The following CDS2 variants were observed in gnomAD, a reference collection of about 807,000 sequenced individuals.
The protein encoded by CDS2 is CDP-diacylglycerol synthase 2, also known as phosphatidate cytidylyltransferase 2.
A neutral mutation model predicts 59.0 loss-of-function variants in CDS2; 47 were observed. That is an observed-to-expected ratio of 0.80 (90% confidence interval 0.63 to 1.02). CDS2 has a LOEUF of 1.02. CDS2 is among the 50% of genes least tolerant of loss of function. The pLI, the probability that CDS2 is intolerant of heterozygous loss-of-function variation, is 0.00. For missense variants in CDS2, 356 were observed against 558.9 expected (o/e 0.64, Z 3.66); for synonymous variants, 207 against 206.4 (o/e 1.00, Z -0.02).
At chr20:5,168,485 G>T in intron 1 of CDS2, 2 of 404,252 alleles carry the variant, frequency 4.9e-6, no homozygotes, top group South Asian at 1.8e-5. Flanking sequence ...GGTTCCACCG[G>T]TGTGGAGCCT....
chr20:5,155,331 T>C (rs1042125504), intron 1 of CDS2, among the ~76,000 whole-genome samples: 1 of 152,240 alleles, frequency 6.6e-6, no homozygotes, highest in East Asian at 1.9e-4. Flanking sequence ...ACGGATTTCA[T>C]TCTTTTTAAA....
intron 1 of CDS2, among the ~76,000 whole-genome samples, chr20:5,140,163 T>C (rs972915881): frequency 6.6e-6 from 1 of 152,226 alleles, no homozygotes; most frequent in African/African-American, 2.4e-5. Flanking sequence ...GCATCATTTT[T>C]ATTGATGTGC....
At chr20:5,131,718 G>A (rs1031224770) in intron 1 of CDS2, among the ~76,000 whole-genome samples, 2 of 152,244 alleles carry the variant, frequency 1.3e-5, no homozygotes, top group African/African-American at 4.8e-5. Flanking sequence ...GCTTGGGTCA[G>A]TTACATCTAC....
chr20:5,178,581 G>A (rs2091010656), intron 4 of CDS2, among the ~76,000 whole-genome samples: 1 of 152,194 alleles, frequency 6.6e-6, no homozygotes, highest in Non-Finnish European at 1.5e-5. Context: ...GGAGTCTCAA[G>A]TTTGGGAGAA....
At chr20:5,138,849 T>G (rs1276493446) in intron 1 of CDS2, among the ~76,000 whole-genome samples, 1 of 151,926 alleles carries the variant, frequency 6.6e-6, no homozygotes, top group Non-Finnish European at 1.5e-5. Flanking sequence ...GCAGTATGGT[T>G]AAAATGACCG....
chr20:5,189,619 C>A, intron 11 of CDS2, 116 bp from the exon 12 acceptor site: 1 of 708,644 alleles, frequency 1.4e-6, no homozygotes, highest in Non-Finnish European at 2.5e-6. Flanking sequence ...ATACTTCTCA[C>A]CTTCTATTGC....
chr20:5,176,430 T>G, intron 3 of CDS2: 1 of 536,926 alleles, frequency 1.9e-6, no homozygotes, highest in East Asian at 3.0e-5. Flanking sequence ...GGTGTGTATT[T>G]TATTGTGAGT....
intron 1 of CDS2, among the ~76,000 whole-genome samples, chr20:5,145,703 T>C (rs1362817947): frequency 6.6e-6 from 1 of 152,134 alleles, no homozygotes; most frequent in East Asian, 1.9e-4. Context: ...TCTAAGGCCA[T>C]AGTGTCCTTC....
chr20:5,169,198 T>G (rs920651709), intron 1 of CDS2, among the ~76,000 whole-genome samples: 5 of 152,226 alleles, frequency 3.3e-5, no homozygotes, highest in African/African-American at 1.2e-4. Flanking sequence ...TGAGAGGGTC[T>G]GCCCCACCTG....
intron 1 of CDS2, among the ~76,000 whole-genome samples, chr20:5,159,963 T>C (rs978889111): frequency 3.3e-5 from 5 of 152,220 alleles, no homozygotes; most frequent in African/African-American, 1.2e-4. Flanking sequence ...AGTGCCCTTA[T>C]GTTTTTAAAA....
rs1352423690 is a variant in CDS2 at position 5,195,094 on chromosome 20, T to C, written c.*4860T>C. 3 of 152,112 alleles carry C rather than the reference T, an allele frequency of 2.0e-5. No homozygotes were observed. The highest frequency in any genetic ancestry group is 4.4e-5 in the Non-Finnish European group (3 of 68,034). The allele number at this position is 152,112 out of a possible 1,614,324, so 9.4% of individuals were successfully genotyped here. ...CTCTAAGCTTCTACCTTGAAGGCAG[T>C]TGGGTCTGATAATAGTACCTTCTTC... On this transcript the variant is annotated 3_prime_UTR_variant, in exon 13 of 13. Coordinates refer to ENST00000460006, the MANE Select transcript of CDS2 (RefSeq NM_003818.4).
chr20:5,170,834 AAG>A (rs1280078368), intron 1 of CDS2, among the ~76,000 whole-genome samples: 5 of 152,044 alleles, frequency 3.3e-5, no homozygotes, highest in African/African-American at 1.2e-4. Flanking sequence ...TAAAGAAGAA[AAG>A]AGAGAAGAAT....
chr20:5,158,233 A>G (rs918854743), intron 1 of CDS2, among the ~76,000 whole-genome samples: 7 of 148,618 alleles, frequency 4.7e-5, no homozygotes, highest in African/African-American at 1.8e-4. Context: ...GCAATGGCAC[A>G]GTCTCGGCTC....
chr20:5,169,194 G>A (rs2123031609), intron 1 of CDS2, among the ~76,000 whole-genome samples: 1 of 152,340 alleles, frequency 6.6e-6, no homozygotes, highest in South Asian at 2.1e-4. Flanking sequence ...AACCTGAGAG[G>A]GTCTGCCCCA....
rs184752905 is a variant in CDS2 at position 5,175,829 on chromosome 20, C to A, written c.291+550C>A. ...AACAAAACTGACTTTATTATTCCAA[C>A]TCTGTAAACTTTTACCCTGGGCATG... On this transcript the variant is annotated intron_variant, in intron 3 of 12. Coordinates refer to ENST00000460006, the MANE Select transcript of CDS2 (RefSeq NM_003818.4). Among the ~76,000 whole-genome samples the A allele has an allele frequency of 3.3e-5, 5 of 152,244 alleles. No homozygotes were observed. In the South Asian group the frequency reaches 8.3e-4, roughly 25 times the overall value.
chr20:5,157,779 T>C (rs2090844573), intron 1 of CDS2, among the ~76,000 whole-genome samples: 1 of 152,112 alleles, frequency 6.6e-6, no homozygotes, highest in Admixed American at 6.5e-5. Flanking sequence ...CTAATCACCT[T>C]CCAGTAGCTC....
intron 2 of CDS2, 85 bp downstream of exon 2, chr20:5,173,744 G>A (rs958028856): frequency 2.3e-5 from 35 of 1,527,210 alleles, no homozygotes; most frequent in Non-Finnish European, 3.1e-5. Flanking sequence ...AGAGCCCGTG[G>A]TCTTGCAGAG....
chr20:5,139,088 T>A (rs2090672110), intron 1 of CDS2, among the ~76,000 whole-genome samples: 1 of 152,152 alleles, frequency 6.6e-6, no homozygotes, highest in Non-Finnish European at 1.5e-5. Flanking sequence ...ATGCCTGTAA[T>A]CCCAGCACTT....
intron 1 of CDS2, among the ~76,000 whole-genome samples, chr20:5,131,017 T>C (rs1012510410): frequency 3.4e-5 from 5 of 147,086 alleles, no homozygotes; most frequent in African/African-American, 5.1e-5. Flanking sequence ...GGCGTGAACC[T>C]GGGAGGCGGA....
Sources: allele counts gnomAD v4.1 joint callset (sites outside exome capture counted in the v4.1 genomes callset), GRCh38; gene constraint gnomAD v4.1.1; transcripts MANE v1.5; gene names NCBI Gene and HGNC (gene_info 2026-07-23, HGNC 2026-07-21).